The following LTBP1 variants were observed in gnomAD, a reference collection of about 807,000 sequenced individuals.
LTBP1 encodes latent-transforming growth factor beta-binding protein 1.
Under a neutral mutation model 207.6 loss-of-function variants are expected in LTBP1, and 129 were observed. The observed-to-expected ratio is 0.62, with a 90% CI of 0.54 to 0.72. LTBP1 has a LOEUF of 0.72. Among genes scored for constraint, LTBP1 ranks in the 30% least tolerant of loss-of-function variants. LTBP1 has a pLI of 0.00. For missense variants in LTBP1, 2,281 were observed against 2,217.2 expected (o/e 1.03, Z -0.58); for synonymous variants, 963 against 833.7 (o/e 1.16, Z -2.67).
intron 2 of LTBP1, among the ~76,000 whole-genome samples, chr2:33,002,999 A>G (rs1320596789): frequency 6.6e-6 from 1 of 152,208 alleles, no homozygotes; most frequent in East Asian, 1.9e-4. Flanking sequence ...CTTTGGAAAC[A>G]TCGCATTCGA....
chr2:33,275,958 G>T, intron 18 of LTBP1, 35 bp downstream of exon 18: 1 of 1,538,534 alleles, frequency 6.5e-7, no homozygotes, highest in Non-Finnish European at 8.7e-7. Flanking sequence ...ACACATGACG[G>T]TGATGTGCAG....
rs71409603 is a variant in LTBP1, at chr2:33,138,848, C to CTTTT, written c.1201+3913_1201+3916dup. ...TTGGACCATTTAAAAAGTATGTTCTCTTTTTTTTTTTTTTTTTTTTTTTTT... is the reference window on the plus strand; with the variant it reads ...TTGGACCATTTAAAAAGTATGTTCTCTTTTTTTTTTTTTTTTTTTTTTTTTTTTT... On this transcript the variant is annotated intron_variant, in intron 5 of 33. Coordinates refer to ENST00000404816, the MANE Select transcript of LTBP1 (RefSeq NM_206943.4). Among the ~76,000 whole-genome samples the CTTTT allele has an allele frequency of 8.6e-4, 67 of 77,672 alleles. 3 individuals carry two copies. Among genetic ancestry groups the CTTTT allele is most frequent in the African/African-American group, 1.1e-3 (21 of 18,650 alleles). 51.0% of individuals were successfully genotyped at this position (77,672 alleles called of 152,430 possible). A position where few individuals can be genotyped will look rare whatever the true frequency, so the allele number is the denominator to read the frequency against.
intron 3 of LTBP1, among the ~76,000 whole-genome samples, chr2:33,061,112 T>C (rs989631035): frequency 3.9e-5 from 6 of 152,160 alleles, no homozygotes; most frequent in Non-Finnish European, 8.8e-5. Context: ...GATAATTCAG[T>C]CTATATTTAG....
intron 2 of LTBP1, among the ~76,000 whole-genome samples, chr2:32,957,886 C>T (rs142779436): frequency 5.6e-4 from 85 of 152,290 alleles, no homozygotes; most frequent in African/African-American, 2.0e-3. Flanking sequence ...GTCATGTAGA[C>T]ACAGTCCATT....
At chr2:33,277,307 C>A (rs748909604) in intron 18 of LTBP1, among the ~76,000 whole-genome samples, 1 of 152,174 alleles carries the variant, frequency 6.6e-6, no homozygotes, top group South Asian at 2.1e-4. Context: ...GTACCCTCCC[C>A]GAGGGCCACG....
chr2:33,008,775 GGAGGATAGAGGCACAAGGGC>G (rs1687278217), intron 2 of LTBP1, among the ~76,000 whole-genome samples: 8 of 152,236 alleles, frequency 5.3e-5, no homozygotes, highest in Admixed American at 4.6e-4. Context: ...AGGCAGGGTA[GGAGGATAGAGGCACAAGGGC>G]TGCTGTTTTG....
Position 33,182,699 on chromosome 2 carries a change from TACACACAC to T in LTBP1, c.1202-4127_1202-4120del, listed in dbSNP as rs377663333. 1.8e-4 allele frequency among the ~76,000 whole-genome samples: 14 copies of T among 78,844 alleles called. 3 individuals carry two copies. Among genetic ancestry groups the T allele is most frequent in the South Asian group, 7.7e-4 (2 of 2,590 alleles). The allele number at this position is 78,844 out of a possible 152,430, so 51.7% of individuals were successfully genotyped here. On this transcript the variant is annotated intron_variant, in intron 5 of 33. Transcript: ENST00000404816. Reference sequence around the variant, plus strand: ...AAGAAAAGATGGTGATATATATATATACACACACACACACACACACACACACACACACA... The same window carrying T: ...AAGAAAAGATGGTGATATATATATATACACACACACACACACACACACACA...
chr2:33,329,669 AT>A (rs1008615435), intron 24 of LTBP1, among the ~76,000 whole-genome samples: 6 of 151,784 alleles, frequency 4.0e-5, no homozygotes, highest in East Asian at 3.9e-4. Flanking sequence ...ACTAATATGA[AT>A]TTTTTTTATT....
At chr2:33,390,971 G>A (rs778900120) in intron 32 of LTBP1, among the ~76,000 whole-genome samples, 1 of 151,842 alleles carries the variant, frequency 6.6e-6, no homozygotes, top group Non-Finnish European at 1.5e-5. Context: ...ATCTATTTCA[G>A]TTCTGCATCA....
intron 4 of LTBP1, among the ~76,000 whole-genome samples, chr2:33,127,537 C>G (rs969509427): frequency 6.6e-6 from 1 of 152,194 alleles, no homozygotes; most frequent in South Asian, 2.1e-4. Flanking sequence ...GTATTCCATT[C>G]CCATGACACT....
rs2095166403 is a variant in LTBP1 at position 33,378,183 on chromosome 2, ATATGTGTGTGTGTG to A, written c.4712-10999_4712-10986del. ...GAACATTTTACTTTCATATATATAT[ATATGTGTGTGTGTG>A]TGTGTGTGTGTGTGTGTGTGTGTGT... On this transcript the variant is annotated intron_variant, in intron 31 of 33. Coordinates refer to ENST00000404816, the MANE Select transcript of LTBP1 (RefSeq NM_206943.4). Among the ~76,000 whole-genome samples, 6 of 136,452 alleles carry A rather than the reference ATATGTGTGTGTGTG, an allele frequency of 4.4e-5. No individual in the cohort carries two copies. In the South Asian group the frequency reaches 1.1e-3, roughly 26 times the overall value. The allele number at this position is 136,452 out of a possible 152,430, so 89.5% of individuals were successfully genotyped here.
intron 2 of LTBP1, among the ~76,000 whole-genome samples, chr2:32,985,689 A>G (rs1308398570): frequency 5.9e-5 from 9 of 152,220 alleles, no homozygotes; most frequent in African/African-American, 1.9e-4. Flanking sequence ...TGATTCAAAT[A>G]ATATTTATTG....
rs1033644883 is a variant in LTBP1 at position 33,248,058 on chromosome 2, A to C, written c.1999+4274A>C. Among the ~76,000 whole-genome samples, 4 of 151,118 alleles carry C rather than the reference A, an allele frequency of 2.6e-5. No individual in the cohort carries two copies. In the East Asian group the frequency reaches 7.7e-4, roughly 29 times the overall value. ...ATCTTATGCCCGTTCTTTTCTTTCT[A>C]CCTTCTCTGTGGCCATCTCAGGTTA... is the stretch of plus-strand genomic sequence containing the variant. On this transcript the variant is annotated intron_variant, in intron 10 of 33. Transcript: ENST00000404816.
chr2:33,001,400 C>G (rs1686046804), intron 2 of LTBP1, among the ~76,000 whole-genome samples: 1 of 134,770 alleles, frequency 7.4e-6, no homozygotes, highest in African/African-American at 2.6e-5. Context: ...TGAGAACTTG[C>G]ATTTCTCGAA....
In LTBP1 at chr2:32,947,084, C is replaced by T. The variant is rs1165052514; in HGVS notation, c.-241C>T. The T allele has an allele frequency of 6.3e-6, 2 of 318,356 alleles. No individual in the cohort carries two copies. Among genetic ancestry groups the T allele is most frequent in the Non-Finnish European group, 1.1e-5 (2 of 175,506 alleles). The allele number at this position is 318,356 out of a possible 1,614,324, so 19.7% of individuals were successfully genotyped here. ...CCGCTCCCCTCGCCCCTCCCCGCTC[C>T]CCGGGCTCCGCGCTCCCCACCCCCA... On this transcript the variant is annotated 5_prime_UTR_variant, in exon 1 of 34. Transcript: ENST00000404816.
intron 15 of LTBP1, among the ~76,000 whole-genome samples, chr2:33,271,651 CAA>C (rs768182010): frequency 2.1e-4 from 32 of 151,516 alleles, no homozygotes; most frequent in African/African-American, 7.5e-4. Context: ...TAAAAAGTAC[CAA>C]AAAAAATGAA....
At chr2:33,238,003 G>T (rs1309004860) in intron 9 of LTBP1, among the ~76,000 whole-genome samples, 1 of 152,048 alleles carries the variant, frequency 6.6e-6, no homozygotes, top group Non-Finnish European at 1.5e-5. Flanking sequence ...TTCCTTCGTG[G>T]TATGTCTACC....
intron 7 of LTBP1, among the ~76,000 whole-genome samples, chr2:33,194,662 G>A (rs2148958197): frequency 6.6e-6 from 1 of 152,306 alleles, no homozygotes; most frequent in African/African-American, 2.4e-5. Flanking sequence ...AAAGAAAGAA[G>A]CCATCTGCAT....
At chr2:33,243,583 G>T in intron 9 of LTBP1, 79 bp from the exon 10 acceptor site, 1 of 1,333,678 alleles carries the variant, frequency 7.5e-7, no homozygotes, top group Non-Finnish European at 1.0e-6. Context: ...TAGTGAAAAA[G>T]GAAGTGAATG....
Sources: gnomAD v4.1 joint callset for allele counts (sites outside exome capture counted in the v4.1 genomes callset) on GRCh38, gnomAD v4.1.1 for gene constraint, MANE v1.5 for transcripts, NCBI Gene and HGNC (gene_info 2026-07-23, HGNC 2026-07-21) for gene names.